The following FXR1 variants were observed in gnomAD, a reference collection of about 807,000 sequenced individuals.
The protein encoded by FXR1 is RNA-binding protein FXR1.
FXR1 carries 15 observed loss-of-function variants against 84.0 expected under a neutral mutation model. The observed-to-expected ratio is 0.18, with a 90% CI of 0.12 to 0.27. The LOEUF is 0.27. FXR1 is among the 10% of genes least tolerant of loss of function. The probability of loss-of-function intolerance (pLI) is 1.00; values close to 1 mark genes in which losing one functional copy is unlikely to be tolerated. For synonymous variants in FXR1, 245 were observed against 250.7 expected, an observed-to-expected ratio of 0.98 and a Z score of 0.21; for missense variants, 480 against 774.4, an observed-to-expected ratio of 0.62 and a Z score of 4.51.
At chr3:180,939,075 A>G (rs1349129232) in intron 3 of FXR1, among the ~76,000 whole-genome samples, 35 of 151,594 alleles carry the variant, frequency 2.3e-4, no homozygotes, top group Admixed American at 2.2e-3. Flanking sequence ...TTTTATTTTT[A>G]GTAGAGATGG....
chr3:180,974,624 A>T (rs1222349339), intron 15 of FXR1, among the ~76,000 whole-genome samples: 1 of 152,088 alleles, frequency 6.6e-6, no homozygotes, highest in African/African-American at 2.4e-5. Flanking sequence ...GATCGTCCCT[A>T]CCAAGATTGG....
At chr3:180,926,506 A>ATTTTTTTTTTTTTTTTTT (rs57540765) in intron 1 of FXR1, among the ~76,000 whole-genome samples, 1 of 124,392 alleles carries the variant, frequency 8.0e-6, no homozygotes, top group African/African-American at 2.9e-5. Flanking sequence ...ATATATATAT[A>ATTTTTTTTTTTTTTTTTT]TTTTTTTTTC....
intron 11 of FXR1, among the ~76,000 whole-genome samples, chr3:180,961,916 C>G (rs914271539): frequency 1.1e-4 from 16 of 152,048 alleles, no homozygotes; most frequent in African/African-American, 3.6e-4. Flanking sequence ...TACTTTTGTA[C>G]TTTACATACA....
chr3:180,962,820 T>C (rs1712295221), intron 11 of FXR1, 63 bp from the exon 12 acceptor site: 2 of 1,099,640 alleles, frequency 1.8e-6, no homozygotes, highest in Admixed American at 1.8e-5. Flanking sequence ...GCTTTAGCTT[T>C]AGGCTTTAGG....
intron 3 of FXR1, among the ~76,000 whole-genome samples, chr3:180,945,531 T>C (rs1016823929): frequency 6.6e-6 from 1 of 152,200 alleles, no homozygotes; most frequent in African/African-American, 2.4e-5. Context: ...TAGCCTTCCA[T>C]GTAGGTGGCA....
At position 180,979,421 on chromosome 3, in the gene FXR1, T is replaced by G. The variant is rs1451310956; in HGVS notation, c.*3129T>G. On this transcript the variant is annotated 3_prime_UTR_variant, in exon 17 of 17. Transcript: ENST00000357559. ...GGATTTGAACTGTGAATCTACTGTT[T>G]TGGCAAAAAATCTCAAAGAAAAGGA... The G allele has an allele frequency of 6.6e-6, 1 of 152,142 alleles. No individual in the cohort carries two copies. The highest frequency in any genetic ancestry group is 1.5e-5 in the Non-Finnish European group (1 of 67,984). The allele number at this position is 152,142 out of a possible 1,614,324, so 9.4% of individuals were successfully genotyped here.
At chr3:180,927,823 C>T (rs1719411483) in intron 1 of FXR1, 3 of 425,562 alleles carry the variant, frequency 7.0e-6, no homozygotes, top group Non-Finnish European at 8.3e-6. Context: ...ATTACTTGTT[C>T]ACCTAGTTCA....
chr3:180,948,042 A>C, intron 4 of FXR1, 106 bp downstream of exon 4: 1 of 690,570 alleles, frequency 1.4e-6, no homozygotes, highest in Non-Finnish European at 2.5e-6. Context: ...CTAAAAGCCT[A>C]CCTGAGAAAT....
At chr3:180,917,932 G>A in intron 1 of FXR1, among the ~76,000 whole-genome samples, 1 of 128,486 alleles carries the variant, frequency 7.8e-6, no homozygotes, top group East Asian at 2.4e-4. Context: ...GGGTGACAGA[G>A]TGAGACTCTG....
chr3:180,934,555 T>A (rs866848122), intron 2 of FXR1, among the ~76,000 whole-genome samples: 11 of 152,378 alleles, frequency 7.2e-5, no homozygotes, highest in Middle Eastern at 3.4e-3. Flanking sequence ...ATAATGTATA[T>A]ATCCACTGTA....
intron 14 of FXR1, among the ~76,000 whole-genome samples, chr3:180,969,506 C>G (rs530637605): frequency 1.3e-5 from 2 of 152,184 alleles, no homozygotes. Context: ...CTTCACATCA[C>G]CTTCCATAAT....
At chr3:180,922,366 A>G (rs549909840) in intron 1 of FXR1, among the ~76,000 whole-genome samples, 28 of 152,308 alleles carry the variant, frequency 1.8e-4, no homozygotes, top group African/African-American at 6.5e-4. Flanking sequence ...TGTTGGATGT[A>G]AAGGGATATC....
At chr3:180,921,043 TG>T (rs1346149888) in intron 1 of FXR1, among the ~76,000 whole-genome samples, 1 of 152,158 alleles carries the variant, frequency 6.6e-6, no homozygotes, top group Non-Finnish European at 1.5e-5. Flanking sequence ...GCTGAATGCT[TG>T]CCTTGAATAA....
chr3:180,948,523 G>A (rs765627860), intron 5 of FXR1, 28 bp downstream of exon 5: 45 of 1,497,418 alleles, frequency 3.0e-5, no homozygotes, highest in Non-Finnish European at 4.1e-5. Context: ...CTATTGAATT[G>A]TTCTGTGAAT....
intron 13 of FXR1, 97 bp downstream of exon 13, chr3:180,963,187 T>G: frequency 4.8e-6 from 3 of 625,440 alleles, no homozygotes; most frequent in Admixed American, 5.8e-5. Flanking sequence ...AGTTCATTAC[T>G]CTGTCTTGGC....
At chr3:180,957,164 G>A (rs1722819594) in intron 9 of FXR1, among the ~76,000 whole-genome samples, 1 of 151,520 alleles carries the variant, frequency 6.6e-6, no homozygotes, top group South Asian at 2.1e-4. Context: ...AATAACTGCT[G>A]TTTGACAGAC....
chr3:180,963,959 A>C (rs1452959807), intron 13 of FXR1, among the ~76,000 whole-genome samples: 1 of 152,160 alleles, frequency 6.6e-6, no homozygotes, highest in East Asian at 1.9e-4. Flanking sequence ...AACCTTTTCC[A>C]AAATGTAAGG....
intron 8 of FXR1, among the ~76,000 whole-genome samples, chr3:180,952,158 A>G (rs989314313): frequency 4.6e-5 from 7 of 152,172 alleles, no homozygotes; most frequent in African/African-American, 1.4e-4. Context: ...AGATTTTGCC[A>G]TGTTGCACAG....
At chr3:180,949,188 A>G (rs1357013685) in intron 6 of FXR1, 39 bp from the exon 7 acceptor site, 2 of 997,294 alleles carry the variant, frequency 2.0e-6, no homozygotes, top group South Asian at 2.5e-5. Context: ...ATTTGGAAGA[A>G]TGATTAAAGT....
Sources: allele counts gnomAD v4.1 joint callset (sites outside exome capture counted in the v4.1 genomes callset), GRCh38; gene constraint gnomAD v4.1.1; transcripts MANE v1.5; gene names NCBI Gene and HGNC (gene_info 2026-07-23, HGNC 2026-07-21).